Variants in CCDC3 observed in about 807,000 individuals in gnomAD.
The protein encoded by CCDC3 is coiled-coil domain containing 3.
Under a neutral mutation model 21.4 loss-of-function variants are expected in CCDC3, and 24 were observed. That is an observed-to-expected ratio of 1.12 (90% CI 0.81 to 1.58). The LOEUF is 1.58. CCDC3 is among the 40% of genes most tolerant of loss of function. The pLI, the probability that CCDC3 is intolerant of heterozygous loss-of-function variation, is 0.00. For missense variants in CCDC3, 425 were observed against 360.9 expected (o/e 1.18, Z -1.44); for synonymous variants, 186 against 166.0 (o/e 1.12, Z -0.93).
rs955774407 is a variant in CCDC3, at chr10:12,948,741, T to G, written c.549+49597A>C. Among the ~76,000 whole-genome samples the G allele has an allele frequency of 1.4e-5, 2 of 142,306 alleles. 1 individual carries two copies. The highest frequency in any genetic ancestry group is 5.2e-5 in the African/African-American group (2 of 38,346). The allele number at this position is 142,306 out of a possible 152,430, so 93.4% of individuals were successfully genotyped here. Reference sequence around the variant, plus strand: ...ATTTTTAAGGCAGTTTTTTTTTTTTTTTTTTTTTTGAGACAGAGTCTTGCT... The same window carrying G: ...ATTTTTAAGGCAGTTTTTTTTTTTTGTTTTTTTTTGAGACAGAGTCTTGCT... On this transcript the variant is annotated intron_variant, in intron 2 of 2. Transcript: ENST00000378825.
chr10:12,941,161 G>A (rs190713551), intron 2 of CCDC3, among the ~76,000 whole-genome samples: 7 of 152,316 alleles, frequency 4.6e-5, no homozygotes, highest in African/African-American at 1.2e-4. Flanking sequence ...TAAAACCAAC[G>A]TGGTGACGAG....
chr10:12,962,528 G>T (rs929548564), intron 2 of CCDC3, among the ~76,000 whole-genome samples: 1 of 152,146 alleles, frequency 6.6e-6, no homozygotes, highest in Non-Finnish European at 1.5e-5. Context: ...GCTTGAACCT[G>T]GGAGCTGGAG....
upstream of CCDC3, among the ~76,000 whole-genome samples, chr10:13,002,538 C>G (rs1835872601): frequency 6.6e-6 from 1 of 152,098 alleles, no homozygotes; most frequent in African/African-American, 2.4e-5. Context: ...TACAAGCACA[C>G]TGCCACCCCG....
chr10:13,019,501 CGTT>C (rs10533049), intron 5 of CCDC3, among the ~76,000 whole-genome samples: 35,323 of 152,046 alleles, frequency 0.23, 4,616 homozygotes, highest in East Asian at 0.49. Flanking sequence ...TCTGTGTTCT[CGTT>C]GTAGAGGTAT....
At chr10:12,930,665 C>T (rs991086898) in intron 2 of CCDC3, among the ~76,000 whole-genome samples, 6 of 152,228 alleles carry the variant, frequency 3.9e-5, no homozygotes, top group African/African-American at 1.4e-4. Flanking sequence ...TGGCAGTGTT[C>T]GGAAATACCT....
intron 2 of CCDC3, among the ~76,000 whole-genome samples, chr10:12,980,294 G>A (rs1012438627): frequency 3.3e-5 from 5 of 152,226 alleles, no homozygotes; most frequent in Non-Finnish European, 7.3e-5. Context: ...CCAGCCAGGG[G>A]AACTGAAGCT....
chr10:12,926,786 T>C (rs761265106), intron 2 of CCDC3, among the ~76,000 whole-genome samples: 1 of 152,196 alleles, frequency 6.6e-6, no homozygotes, highest in African/African-American at 2.4e-5. Context: ...TAGGGCTATA[T>C]TGATATCAGG....
chr10:12,926,651 T>C (rs1019284347), intron 2 of CCDC3, among the ~76,000 whole-genome samples: 2 of 152,160 alleles, frequency 1.3e-5, no homozygotes, highest in Admixed American at 1.3e-4. Context: ...CTAATAAGTG[T>C]ACAGAGATTA....
At chr10:13,078,139 C>T (rs1363664761) in intron 3 of CCDC3, among the ~76,000 whole-genome samples, 2 of 152,268 alleles carry the variant, frequency 1.3e-5, no homozygotes, top group East Asian at 3.9e-4. Context: ...CCAGAATCTA[C>T]AAAGAACTTA....
At position 13,018,104 on chromosome 10, in the gene CCDC3, AT is replaced by A. The variant is rs202228502; in HGVS notation, c.-1-19593del. Reference sequence around the variant, plus strand: ...CCTTGGAATGAAATGAAAAAAAAAAATAATAATAAGCCAAAGCTCCAGAGGG... The same window carrying A: ...CCTTGGAATGAAATGAAAAAAAAAAAAATAATAAGCCAAAGCTCCAGAGGG... On this transcript the variant is annotated intron_variant, in intron 5 of 6. Transcript: ENST00000378839. Among the ~76,000 whole-genome samples the A allele has an allele frequency of 8.8e-5, 13 of 148,508 alleles. 1 individual carries two copies. The highest frequency in any genetic ancestry group is 2.1e-4 in the South Asian group (1 of 4,652).
At chr10:13,003,875 A>G (rs560726187), upstream of CCDC3, among the ~76,000 whole-genome samples, 3 of 152,230 alleles carry the variant, frequency 2.0e-5, no homozygotes, top group Non-Finnish European at 4.4e-5. Flanking sequence ...AGAAGTGAGC[A>G]CCTGCAAGAA....
At chr10:12,933,415 T>C (rs1834682051) in intron 2 of CCDC3, among the ~76,000 whole-genome samples, 2 of 152,102 alleles carry the variant, frequency 1.3e-5, no homozygotes, top group Non-Finnish European at 2.9e-5. Flanking sequence ...TTTGTTGAGG[T>C]TATCAGATTG....
At chr10:12,942,412 AG>A (rs1183823339) in intron 2 of CCDC3, among the ~76,000 whole-genome samples, 2 of 152,234 alleles carry the variant, frequency 1.3e-5, no homozygotes, top group East Asian at 3.8e-4. Context: ...GCAGCTCCAA[AG>A]TCATTTCTTT....
chr10:12,974,995 C>T (rs573354642), intron 2 of CCDC3, among the ~76,000 whole-genome samples: 14 of 152,290 alleles, frequency 9.2e-5, no homozygotes, highest in East Asian at 3.9e-4. Flanking sequence ...TCACATGTCA[C>T]GTGACAAATA....
At chr10:13,071,702 G>A (rs545430448) in intron 4 of CCDC3, among the ~76,000 whole-genome samples, 10 of 152,280 alleles carry the variant, frequency 6.6e-5, no homozygotes, top group South Asian at 4.1e-4. Context: ...CTCACTTTCC[G>A]TCCCTCACGT....
chr10:12,988,199 G>C (rs899842028), intron 2 of CCDC3, among the ~76,000 whole-genome samples: 2 of 152,048 alleles, frequency 1.3e-5, no homozygotes, highest in South Asian at 2.1e-4. Context: ...CCTCGAGAAG[G>C]CCAAGCCATT....
intron 4 of CCDC3, among the ~76,000 whole-genome samples, chr10:13,071,247 A>G (rs373280888): frequency 6.6e-5 from 10 of 152,266 alleles, no homozygotes; most frequent in African/African-American, 1.9e-4. Context: ...GGAGGACTCA[A>G]TTCCACCGCT....
At chr10:12,984,753 C>T (rs1272791510) in intron 2 of CCDC3, among the ~76,000 whole-genome samples, 8 of 152,200 alleles carry the variant, frequency 5.3e-5, no homozygotes, top group South Asian at 4.1e-4. Flanking sequence ...ACAATATGAA[C>T]GAAGCTTGAA....
At chr10:13,080,644 A>G (rs1228474826) in intron 3 of CCDC3, among the ~76,000 whole-genome samples, 2 of 152,228 alleles carry the variant, frequency 1.3e-5, no homozygotes, top group African/African-American at 2.4e-5. Context: ...TATAAAGAAA[A>G]TCTTATTCCA....
Sources: allele counts gnomAD v4.1 joint callset (sites outside exome capture counted in the v4.1 genomes callset), GRCh38; gene constraint gnomAD v4.1.1; transcripts MANE v1.5; gene names NCBI Gene and HGNC (gene_info 2026-07-23, HGNC 2026-07-21).